SLC22A8: variants seen among roughly 807,000 people sequenced by gnomAD.
The protein encoded by SLC22A8 is solute carrier family 22 member 8.
SLC22A8 carries 40 observed loss-of-function variants against 48.4 expected under a neutral mutation model. The observed-to-expected ratio is 0.83, with a 90% CI of 0.64 to 1.08. SLC22A8 has a LOEUF of 1.08. Among genes scored for constraint, SLC22A8 ranks in the 50% least tolerant of loss-of-function variants. The probability of loss-of-function intolerance (pLI) is 0.00; values close to 1 mark genes in which losing one functional copy is unlikely to be tolerated. For missense variants in SLC22A8, 606 were observed against 699.0 expected (o/e 0.87, Z 1.50); for synonymous variants, 268 against 286.3 (o/e 0.94, Z 0.65).
At chr11:63,010,968 A>C (rs1394367943) in intron 2 of SLC22A8, among the ~76,000 whole-genome samples, 1 of 152,078 alleles carries the variant, frequency 6.6e-6, no homozygotes, top group Admixed American at 6.5e-5. Context: ...TGAGGGGGCA[A>C]GTCCTTCATT....
chr11:63,001,356 C>T (rs1375997047), intron 2 of SLC22A8, among the ~76,000 whole-genome samples: 1 of 152,180 alleles, frequency 6.6e-6, no homozygotes, highest in Non-Finnish European at 1.5e-5. Flanking sequence ...TCTCTCTTCC[C>T]TTCAAAGCCA....
intron 2 of SLC22A8, among the ~76,000 whole-genome samples, chr11:63,007,734 G>T (rs535767037): frequency 1.3e-5 from 2 of 152,342 alleles, no homozygotes; most frequent in South Asian, 4.1e-4. Context: ...ATGCCTTTCT[G>T]TATGGGCTGA....
At chr11:63,004,842 G>A (rs2086536682) in intron 2 of SLC22A8, among the ~76,000 whole-genome samples, 1 of 152,212 alleles carries the variant, frequency 6.6e-6, no homozygotes, top group African/African-American at 2.4e-5. Context: ...AGAACAGAGG[G>A]ATTGAGAGCC....
intron 7 of SLC22A8, chr11:62,995,262 G>C (rs2086401609): frequency 4.1e-6 from 1 of 241,552 alleles, no homozygotes; most frequent in African/African-American, 2.2e-5. Flanking sequence ...GGCTTTCAGG[G>C]AGCAGGAGAA....
At chr11:62,995,931 T>C in intron 6 of SLC22A8, 98 bp downstream of exon 6, 1 of 1,565,082 alleles carries the variant, frequency 6.4e-7, no homozygotes, top group African/African-American at 1.4e-5. Flanking sequence ...TCAGATGTGG[T>C]ATAGGCTGTG....
intron 2 of SLC22A8, among the ~76,000 whole-genome samples, chr11:63,002,604 A>C (rs1395376280): frequency 6.6e-6 from 1 of 152,098 alleles, no homozygotes; most frequent in Non-Finnish European, 1.5e-5. Flanking sequence ...TTTTTTTTAA[A>C]GATACCATAT....
At chr11:62,999,123 C>G (rs1239174947) in intron 4 of SLC22A8, 34 bp from the exon 5 acceptor site, 1 of 1,588,186 alleles carries the variant, frequency 6.3e-7, no homozygotes. Context: ...GATTAGTGTT[C>G]TGCTAGGTCC....
intron 2 of SLC22A8, among the ~76,000 whole-genome samples, chr11:63,006,594 A>ATTTTTTTTTT (rs1422056569): frequency 2.3e-5 from 1 of 42,834 alleles, no homozygotes; most frequent in Non-Finnish European, 4.6e-5. Context: ...GTCTCATTTG[A>ATTTTTTTTTT]GTTTTTTTTT....
chr11:62,999,728 G>A lies in SLC22A8; in HGVS notation c.552C>T (p.Gly184=), dbSNP rs754792777. The part of the protein sequence containing the change: ...PIYMVFRFLC[G]FGISGITLST... ...TCAGGGTAATGCCTGAGATGCCAAA[G>A]CCACACAGGAAGCGGAAGACCATGT... is the stretch of plus-strand genomic sequence containing the variant. The change falls in exon 4 of 11, where the codon GGC becomes GGT. Residue 184 remains glycine (G), a synonymous_variant. Coordinates refer to ENST00000336232, the MANE Select transcript of SLC22A8 (RefSeq NM_004254.4). 2.5e-6 allele frequency: 4 copies of A among 1,604,694 alleles called. No individual in the cohort carries two copies. The highest frequency in any genetic ancestry group is 2.6e-6 in the Non-Finnish European group (3 of 1,175,486).
chr11:63,011,191 T>C (rs2086615564), intron 2 of SLC22A8, among the ~76,000 whole-genome samples: 1 of 152,172 alleles, frequency 6.6e-6, no homozygotes, highest in African/African-American at 2.4e-5. Flanking sequence ...CTCCTGACTT[T>C]GACTCCCCAC....
intron 7 of SLC22A8, 173 bp downstream of exon 7, chr11:62,995,531 G>A (rs1361046528): frequency 3.3e-6 from 2 of 601,502 alleles, no homozygotes; most frequent in Non-Finnish European, 5.9e-6. Context: ...ACCTGGGTGT[G>A]GGGCAGGAAT....
At chr11:63,002,148 G>A (rs1326568655) in intron 2 of SLC22A8, among the ~76,000 whole-genome samples, 3 of 152,088 alleles carry the variant, frequency 2.0e-5, no homozygotes, top group Admixed American at 1.3e-4. Context: ...GGCCTCAAGT[G>A]ATCTGCCTGT....
In SLC22A8 at chr11:62,994,679, A is replaced by ATCTGG. The variant is rs780726197; in HGVS notation, c.1074_1078dup (p.Ile360ThrfsTer20). On this transcript the variant is annotated frameshift_variant, in exon 8 of 11. Transcript: ENST00000336232. LOFTEE classifies it high-confidence loss of function. ...TGGGACATCGACCCCACCAAAGATG[A>ATCTGG]TCTGGAGGATGTAGAGGTTGACTCC... The ATCTGG allele has an allele frequency of 1.2e-6, 2 of 1,614,226 alleles. No homozygotes were observed.
At position 62,998,991 on chromosome 11, in the gene SLC22A8, C is replaced by A. The variant is rs374308646; in HGVS notation, c.691G>T (p.Ala231Ser). 1 of 1,614,184 alleles carries A rather than the reference C, an allele frequency of 6.2e-7. No individual in the cohort carries two copies. The highest frequency in any genetic ancestry group is 1.7e-5 in the Admixed American group (1 of 60,032). The change falls in exon 5 of 11, where the codon GCC (alanine) becomes TCC (serine). Residue 231 changes from alanine (A) to serine (S), a missense_variant. Ala to Ser is a moderately conservative substitution (Grantham distance 99). Transcript: ENST00000336232. ...TGCAGCCAACGCCACTGGGGGATGG[C>A]GTAGGCCAGGCCGGGCAGAATGAAC... ...GQFILPGLAY[A>S]IPQWRWLQLT...
intron 2 of SLC22A8, among the ~76,000 whole-genome samples, chr11:63,009,238 G>A (rs1449693795): frequency 6.6e-6 from 1 of 152,074 alleles, no homozygotes; most frequent in Admixed American, 6.5e-5. Context: ...GATGAAGGAG[G>A]GTCAGAGGCG....
Position 62,993,605 on chromosome 11 carries a change from T to G in SLC22A8, c.1348A>C (p.Asn450His). ...VIRQTGMGVS[N>H]LWTRVGSMVS... ...ATGCTTCCCACGCGGGTCCACAGGT[T>G]ACTTACGCCCATACCTGTTTGCCTG... Residue 450 changes from asparagine (N) to histidine (H), a missense_variant, in exon 10 of 11, where the codon AAC becomes CAC. Coordinates refer to ENST00000336232, the MANE Select transcript of SLC22A8 (RefSeq NM_004254.4). 1 of 1,611,200 alleles carries G rather than the reference T, an allele frequency of 6.2e-7. No individual in the cohort carries two copies. The highest frequency in any genetic ancestry group is 1.7e-5 in the Admixed American group (1 of 59,960).
rs760782573 is a variant in SLC22A8, at chr11:62,994,851, C to T, written c.1002-95G>A. The T allele has an allele frequency of 1.6e-5, 15 of 915,610 alleles. No homozygotes were observed. In the South Asian group the frequency reaches 2.1e-4, roughly 13 times the overall value. The allele number at this position is 915,610 out of a possible 1,614,324, so 56.7% of individuals were successfully genotyped here. A position where few individuals can be genotyped will look rare whatever the true frequency, so the allele number is the denominator to read the frequency against. On this transcript the variant is annotated intron_variant, in intron 7 of 10. Transcript: ENST00000336232. The stretch of plus-strand genomic sequence containing the variant: ...GTCACCAGGATGATGAATAGCTTCA[C>T]TTCTTGTGCCAACTGCAACTGATGA...
chr11:62,994,488 C>A (rs957790590), intron 8 of SLC22A8, 54 bp downstream of exon 8: 3 of 1,408,022 alleles, frequency 2.1e-6, no homozygotes, highest in Admixed American at 3.9e-5. Context: ...AAGTCCCTGG[C>A]ACCCAACCTG....
rs549612329 is a variant in SLC22A8 at position 63,014,960 on chromosome 11, G to T, written c.-2C>A. 94 of 1,540,558 alleles carry T rather than the reference G, an allele frequency of 6.1e-5. No homozygotes were observed. Among genetic ancestry groups the T allele is most frequent in the Non-Finnish European group, 7.5e-5 (85 of 1,138,640 alleles). ...GTCCAGGATCTCCGAGAAGGTCATG[G>T]CACTGGGGCAAGACGAGCCAGAGCT... is the stretch of plus-strand genomic sequence containing the variant. On this transcript the variant is annotated 5_prime_UTR_variant, in exon 2 of 11. Transcript: ENST00000336232.
Sources: gnomAD v4.1 joint callset for allele counts (sites outside exome capture counted in the v4.1 genomes callset) on GRCh38, gnomAD v4.1.1 for gene constraint, MANE v1.5 for transcripts, NCBI Gene and HGNC (gene_info 2026-07-23, HGNC 2026-07-21) for gene names.